Variants in CNTLN observed in about 807,000 individuals in gnomAD.
CNTLN encodes centlein, also known as centlein, centrosomal protein.
CNTLN carries 212 observed loss-of-function variants against 180.0 expected under a neutral mutation model. The observed-to-expected ratio is 1.18, with a 90% CI of 1.05 to 1.32. CNTLN has a LOEUF of 1.32. CNTLN is among the 40% of genes most tolerant of loss of function. The pLI is 0.00. For synonymous variants in CNTLN, 722 were observed against 563.1 expected (o/e 1.28, Z -3.99); for missense variants, 2,095 against 1,610.9 (o/e 1.30, Z -5.14).
intron 8 of CNTLN, among the ~76,000 whole-genome samples, chr9:17,318,809 A>G (rs951081047): frequency 3.9e-5 from 6 of 152,080 alleles, no homozygotes; most frequent in Admixed American, 2.6e-4. Flanking sequence ...ATTCAGTCCA[A>G]CTAGACTCAC....
intron 18 of CNTLN, among the ~76,000 whole-genome samples, chr9:17,453,998 T>C (rs942375300): frequency 2.4e-4 from 36 of 152,174 alleles, no homozygotes; most frequent in African/African-American, 8.4e-4. Flanking sequence ...CAGAATCCTC[T>C]TTGCATATAA....
intron 1 of CNTLN, among the ~76,000 whole-genome samples, chr9:17,142,828 A>G (rs1818198317): frequency 6.6e-6 from 1 of 152,194 alleles, no homozygotes; most frequent in Non-Finnish European, 1.5e-5. Flanking sequence ...GAAACTACCC[A>G]TTGTCCTTTG....
intron 6 of CNTLN, among the ~76,000 whole-genome samples, chr9:17,290,998 C>T (rs576120527): frequency 2.6e-5 from 4 of 152,190 alleles, no homozygotes; most frequent in East Asian, 1.9e-4. Flanking sequence ...AGCTGTAGAC[C>T]GGAGCTGTTC....
Position 17,297,066 on chromosome 9 carries a change from A to G in CNTLN, c.984-1124A>G, listed in dbSNP as rs1360296194. Among the ~76,000 whole-genome samples the G allele has an allele frequency of 3.3e-5, 5 of 152,230 alleles. No homozygotes were observed. The East Asian group carries it at 9.6e-4, about 29-fold the overall frequency. On this transcript the variant is annotated intron_variant, in intron 6 of 25. Coordinates refer to ENST00000380647, the MANE Select transcript of CNTLN (RefSeq NM_017738.4). Reference sequence around the variant, plus strand: ...TCGGCCTTTCATATCCATGGATTCCATATCCACGGATTCAACCAATCATGA... The same window carrying G: ...TCGGCCTTTCATATCCATGGATTCCGTATCCACGGATTCAACCAATCATGA...
chr9:17,143,506 A>C, intron 2 of CNTLN, 130 bp downstream of exon 2: 1 of 686,070 alleles, frequency 1.5e-6, no homozygotes. Flanking sequence ...GTGGAGCTAA[A>C]AATTAAATTG....
intron 6 of CNTLN, among the ~76,000 whole-genome samples, chr9:17,276,210 C>T (rs1404657899): frequency 6.6e-6 from 1 of 151,996 alleles, no homozygotes; most frequent in Non-Finnish European, 1.5e-5. Flanking sequence ...GAGCAGTGGA[C>T]TTTCTCTTGA....
intron 2 of CNTLN, among the ~76,000 whole-genome samples, chr9:17,225,086 C>T (rs1378587207): frequency 1.3e-5 from 2 of 151,964 alleles, no homozygotes; most frequent in Non-Finnish European, 2.9e-5. Flanking sequence ...TTTTGCTACA[C>T]CTAGCCTCAG....
the CNTLN span, among the ~76,000 whole-genome samples, chr9:17,511,142 AT>A: frequency 6.6e-6 from 1 of 151,902 alleles, no homozygotes; most frequent in African/African-American, 2.4e-5. Context: ...ATTTGTCATC[AT>A]TTTTTGTTTT....
intron 13 of CNTLN, among the ~76,000 whole-genome samples, chr9:17,371,529 T>C (rs1042075551): frequency 5.3e-5 from 8 of 152,130 alleles, no homozygotes; most frequent in African/African-American, 1.9e-4. Context: ...CTGCAGGCTT[T>C]AGTATCCCAC....
intron 5 of CNTLN, among the ~76,000 whole-genome samples, chr9:17,258,140 G>C (rs1392830882): frequency 6.8e-6 from 1 of 147,394 alleles, no homozygotes; most frequent in Admixed American, 6.7e-5. Context: ...AATCCATCTT[G>C]AATTGATTTT....
intron 23 of CNTLN, among the ~76,000 whole-genome samples, chr9:17,481,266 C>G (rs1403535141): frequency 6.6e-6 from 1 of 152,166 alleles, no homozygotes; most frequent in Non-Finnish European, 1.5e-5. Context: ...CTGCCAGACC[C>G]CAGAATACAG....
intron 23 of CNTLN, among the ~76,000 whole-genome samples, chr9:17,478,414 CT>C (rs1832467799): frequency 6.6e-6 from 1 of 152,028 alleles, no homozygotes; most frequent in African/African-American, 2.4e-5. Context: ...TGATGTAGTC[CT>C]ACTTATTTAT....
At chr9:17,428,712 A>C (rs1829239155) in intron 18 of CNTLN, among the ~76,000 whole-genome samples, 1 of 152,034 alleles carries the variant, frequency 6.6e-6, no homozygotes, top group Non-Finnish European at 1.5e-5. Context: ...AGTATGTTTT[A>C]GATCTTTTGC....
chr9:17,324,465 A>T (rs556841066), intron 8 of CNTLN, among the ~76,000 whole-genome samples: 41 of 152,252 alleles, frequency 2.7e-4, no homozygotes, highest in African/African-American at 9.6e-4. Flanking sequence ...TACTCTTAGG[A>T]TTGGAATCTA....
chr9:17,232,837 G>T (rs773357802), intron 3 of CNTLN, among the ~76,000 whole-genome samples: 1 of 151,960 alleles, frequency 6.6e-6, no homozygotes, highest in Admixed American at 6.6e-5. Flanking sequence ...AGCTTTTATT[G>T]AGGAGGTGGA....
chr9:17,306,062 A>T (rs112038449), intron 7 of CNTLN, among the ~76,000 whole-genome samples: 5 of 152,240 alleles, frequency 3.3e-5, no homozygotes, highest in African/African-American at 9.6e-5. Flanking sequence ...AGTCAGGGCA[A>T]CTTCTGAATA....
chr9:17,343,990 T>G (rs1478826680), intron 12 of CNTLN, among the ~76,000 whole-genome samples: 1 of 152,228 alleles, frequency 6.6e-6, no homozygotes, highest in Non-Finnish European at 1.5e-5. Flanking sequence ...TCAAGGTTCA[T>G]CCATGTTGTA....
At chr9:17,341,984 A>G (rs573101184) in intron 11 of CNTLN, among the ~76,000 whole-genome samples, 1 of 152,280 alleles carries the variant, frequency 6.6e-6, no homozygotes, top group South Asian at 2.1e-4. Flanking sequence ...CAAATTCCAG[A>G]TGAGTTGGTT....
Position 17,298,178 on chromosome 9 carries a change from T to A in CNTLN, c.984-12T>A. 1 of 1,423,676 alleles carries A rather than the reference T, an allele frequency of 7.0e-7. No individual in the cohort carries two copies. The highest frequency in any genetic ancestry group is 9.2e-7 in the Non-Finnish European group (1 of 1,081,908). 88.2% of individuals were successfully genotyped at this position (1,423,676 alleles called of 1,614,324 possible). A position where few individuals can be genotyped will look rare whatever the true frequency, so the allele number is the denominator to read the frequency against. ...TCCATACTTTTCTCTATTTATTGCT[T>A]GCTTTGCACAGGAAGGAACTGCAGG... On this transcript the variant is annotated splice_polypyrimidine_tract_variant and intron_variant, in intron 6 of 25. Transcript: ENST00000380647.
Sources: allele counts gnomAD v4.1 joint callset (sites outside exome capture counted in the v4.1 genomes callset), GRCh38; gene constraint gnomAD v4.1.1; transcripts MANE v1.5; gene names NCBI Gene and HGNC (gene_info 2026-07-23, HGNC 2026-07-21).